TG: variants seen among roughly 807,000 people sequenced by gnomAD.
TG encodes the protein thyroid hormones.
A neutral mutation model predicts 324.7 loss-of-function variants in TG; 270 were observed. The ratio of observed to expected loss-of-function variants is 0.83; its 90% CI spans 0.75 to 0.92. The LOEUF is 0.92. Ranked by LOEUF, TG falls within the 40% of genes least tolerant of loss-of-function variation. The pLI is 0.00. For missense variants in TG, 3,591 were observed against 3,456.4 expected, an observed-to-expected ratio of 1.04 and a Z score of -0.98; for synonymous variants, 1,401 against 1,327.0, an observed-to-expected ratio of 1.06 and a Z score of -1.21.
intron 43 of TG, among the ~76,000 whole-genome samples, chr8:133,111,216 G>T (rs1014087654): frequency 6.6e-6 from 1 of 152,018 alleles, no homozygotes; most frequent in Admixed American, 6.6e-5. Context: ...TATAACTGGG[G>T]GAACGAGCCT....
Position 133,079,689 on chromosome 8 carries a change from C to T in TG, c.7240-15355C>T, listed in dbSNP as rs777517288. ...CCTACTTTATAGCTTGATTTGTTTT[C>T]CTCTTTCAACAGAAATATTCAAAAG... On this transcript the variant is annotated intron_variant, in intron 41 of 47. Transcript: ENST00000220616. Among the ~76,000 whole-genome samples, 3 of 152,012 alleles carry T rather than the reference C, an allele frequency of 2.0e-5. No individual in the cohort carries two copies. In the South Asian group the frequency reaches 6.2e-4, roughly 32 times the overall value.
rs778493270 is a variant in TG, at chr8:132,887,503, C to T, written c.2131C>T (p.Gln711Ter). 4.3e-6 allele frequency: 7 copies of T among 1,614,170 alleles called. No homozygotes were observed. The East Asian group carries it at 1.6e-4, about 36-fold the overall frequency. ...SECYCVDAEG[Q>*]AIPGTRSAIG... is the part of the protein sequence containing the mutation. ...GTGCTACTGTGTTGATGCTGAGGGT[C>T]AGGCCATTCCTGGAACTCGAAGTGC... Residue 711 changes from glutamine (Q) to a stop codon, truncating the protein, a stop_gained, in exon 9 of 48, where the codon CAG becomes TAG. Coordinates refer to ENST00000220616, the MANE Select transcript of TG (RefSeq NM_003235.5). LOFTEE classifies it high-confidence loss of function.
At chr8:132,887,613 A>C in intron 9 of TG, 65 bp downstream of exon 9, 1 of 1,605,744 alleles carries the variant, frequency 6.2e-7, no homozygotes, top group Non-Finnish European at 8.5e-7. Context: ...GACCCAATGC[A>C]GTACAGTAAT....
intron 16 of TG, among the ~76,000 whole-genome samples, chr8:132,902,430 C>T (rs774255835): frequency 6.6e-6 from 1 of 152,138 alleles, no homozygotes; most frequent in African/African-American, 2.4e-5. Flanking sequence ...AGAGTCCCCC[C>T]ACTCTCATTG....
At chr8:133,075,508 C>G (rs910401346) in intron 41 of TG, among the ~76,000 whole-genome samples, 1 of 152,154 alleles carries the variant, frequency 6.6e-6, no homozygotes, top group African/African-American at 2.4e-5. Context: ...ATATACTGCA[C>G]AGTTGATAAT....
In TG at chr8:132,906,698, T is replaced by C. The variant is rs1818737258; in HGVS notation, c.3645T>C (p.Cys1215=). Residue 1215 remains cysteine, a synonymous_variant, in exon 17 of 48, where the codon TGT becomes TGC. Transcript: ENST00000220616. The part of the protein sequence containing the change: ...GGQPACESPR[C]PLPFNASEVV... ...CTTTCCTTCTCCCAGGCCCGCGGTG[T>C]CCGCTGCCATTCAACGCGTCGGAGG... The C allele has an allele frequency of 2.5e-6, 4 of 1,614,078 alleles. No homozygotes were observed. The highest frequency in any genetic ancestry group is 3.4e-6 in the Non-Finnish European group (4 of 1,180,022).
intron 43 of TG, among the ~76,000 whole-genome samples, chr8:133,111,919 G>T (rs1394054684): frequency 1.3e-5 from 2 of 152,212 alleles, no homozygotes; most frequent in Non-Finnish European, 2.9e-5. Context: ...GGATCAGTTA[G>T]TCCACAGGGT....
At chr8:132,955,235 A>G (rs1760059112) in intron 27 of TG, among the ~76,000 whole-genome samples, 1 of 152,212 alleles carries the variant, frequency 6.6e-6, no homozygotes, top group South Asian at 2.1e-4. Flanking sequence ...GCAAGTCTCC[A>G]AATTCTGCCA....
intron 43 of TG, among the ~76,000 whole-genome samples, chr8:133,099,419 C>T (rs1003875375): frequency 3.3e-5 from 5 of 152,182 alleles, no homozygotes; most frequent in African/African-American, 9.7e-5. Context: ...AGAGTAGTGA[C>T]GGTGGGACTG....
chr8:133,021,130 A>G (rs981519790), intron 39 of TG, among the ~76,000 whole-genome samples: 1 of 152,144 alleles, frequency 6.6e-6, no homozygotes, highest in Non-Finnish European at 1.5e-5. Context: ...AAGCCATTCA[A>G]CATGTCTAAG....
chr8:132,889,588 T>A (rs1815938513), intron 10 of TG, among the ~76,000 whole-genome samples: 1 of 152,246 alleles, frequency 6.6e-6, no homozygotes. Flanking sequence ...CACATTGATC[T>A]TGGCCTGACT....
intron 27 of TG, among the ~76,000 whole-genome samples, chr8:132,950,405 C>T (rs1523072): frequency 0.52 from 79,029 of 152,000 alleles, 21,898 homozygotes; most frequent in Non-Finnish European, 0.61. Flanking sequence ...AAGTGGTCTC[C>T]CAAAGGCTGG....
chr8:133,095,234 A>T (rs1243048958), intron 42 of TG, 26 bp downstream of exon 42: 1 of 1,614,096 alleles, frequency 6.2e-7, no homozygotes, highest in East Asian at 2.2e-5. Flanking sequence ...CAAGTTGGGA[A>T]GGGACATTCT....
intron 41 of TG, chr8:133,049,851 C>T: frequency 8.6e-7 from 1 of 1,166,794 alleles, no homozygotes; most frequent in South Asian, 1.2e-5. Context: ...CCTTATGAGT[C>T]ACCAGCATAC....
At chr8:133,086,805 T>A (rs922822942) in intron 41 of TG, among the ~76,000 whole-genome samples, 2 of 152,198 alleles carry the variant, frequency 1.3e-5, no homozygotes, top group African/African-American at 4.8e-5. Flanking sequence ...TCCTTACAGA[T>A]GAAGAAAGTC....
At chr8:133,102,513 C>T (rs1462664719) in intron 43 of TG, 1 of 1,548,510 alleles carries the variant, frequency 6.5e-7, no homozygotes, top group Admixed American at 2.0e-5. Context: ...ACCTATGGCC[C>T]ACCCAGGGGG....
chr8:133,072,284 T>C (rs1844179037), intron 41 of TG, among the ~76,000 whole-genome samples: 1 of 152,174 alleles, frequency 6.6e-6, no homozygotes. Flanking sequence ...CATAATCAAA[T>C]TGCCTCCTCC....
intron 45 of TG, among the ~76,000 whole-genome samples, chr8:133,125,597 T>G (rs530486965): frequency 6.6e-6 from 1 of 152,334 alleles, no homozygotes; most frequent in South Asian, 2.1e-4. Context: ...CTGAAATGGT[T>G]TCTGGTACCA....
chr8:133,121,989 C>G (rs2131805867), intron 45 of TG, among the ~76,000 whole-genome samples: 1 of 152,276 alleles, frequency 6.6e-6, no homozygotes, highest in Admixed American at 6.5e-5. Flanking sequence ...TGCCCCGGAG[C>G]TGTCACATCT....
Sources: gnomAD v4.1 joint callset for allele counts (sites outside exome capture counted in the v4.1 genomes callset) on GRCh38, gnomAD v4.1.1 for gene constraint, MANE v1.5 for transcripts, NCBI Gene and HGNC (gene_info 2026-07-23, HGNC 2026-07-21) for gene names.